The following SLC20A2 variants were observed in gnomAD, a reference collection of about 807,000 sequenced individuals.
SLC20A2 encodes the protein sodium-dependent phosphate transporter 2.
A neutral mutation model predicts 61.0 loss-of-function variants in SLC20A2; 30 were observed. The ratio of observed to expected loss-of-function variants is 0.49; its 90% CI spans 0.37 to 0.67. The LOEUF (loss-of-function observed/expected upper bound fraction) is 0.67. SLC20A2 is among the 30% of genes least tolerant of loss of function. The pLI, the probability that SLC20A2 is intolerant of heterozygous loss-of-function variation, is 0.00. For synonymous variants in SLC20A2, 351 were observed against 353.3 expected (o/e 0.99, Z 0.07); for missense variants, 626 against 866.4 (o/e 0.72, Z 3.48).
At chr8:42,499,296 C>A (rs893395856) in intron 1 of SLC20A2, among the ~76,000 whole-genome samples, 8 of 152,184 alleles carry the variant, frequency 5.3e-5, no homozygotes, top group Non-Finnish European at 1.0e-4. Context: ...CAGCCAGCAT[C>A]ATTTCACCAG....
intron 2 of SLC20A2, chr8:42,470,990 AG>A (rs367597931): frequency 1.5e-5 from 5 of 340,748 alleles, no homozygotes; most frequent in South Asian, 2.4e-5. Flanking sequence ...AAAAAAAAAA[AG>A]AAAAGAAAAA....
At chr8:42,438,025 A>G (rs1427474410) in intron 7 of SLC20A2, among the ~76,000 whole-genome samples, 1 of 149,592 alleles carries the variant, frequency 6.7e-6, no homozygotes, top group African/African-American at 2.5e-5. Context: ...AGTTGGCCAT[A>G]AAGGACATGT....
intron 4 of SLC20A2, among the ~76,000 whole-genome samples, chr8:42,460,949 G>A (rs979658813): frequency 2.6e-5 from 4 of 152,198 alleles, no homozygotes; most frequent in African/African-American, 4.8e-5. Flanking sequence ...GATGACAGCA[G>A]CAGAAGTATG....
chr8:42,424,679 A>G (rs1001896499), intron 10 of SLC20A2, among the ~76,000 whole-genome samples: 4 of 152,216 alleles, frequency 2.6e-5, no homozygotes, highest in Non-Finnish European at 4.4e-5. Context: ...CCCAAGTTAT[A>G]CCTTCAGTTC....
At chr8:42,457,381 C>A (rs954853054) in intron 5 of SLC20A2, among the ~76,000 whole-genome samples, 1 of 152,196 alleles carries the variant, frequency 6.6e-6, no homozygotes, top group Non-Finnish European at 1.5e-5. Context: ...ATCAATCTAA[C>A]TTTGCTTCCT....
intron 1 of SLC20A2, among the ~76,000 whole-genome samples, chr8:42,494,334 T>TA (rs1809752022): frequency 6.6e-6 from 1 of 152,074 alleles, no homozygotes; most frequent in African/African-American, 2.4e-5. Context: ...AAATAAAATA[T>TA]AAAGTCAAAA....
intron 6 of SLC20A2, among the ~76,000 whole-genome samples, chr8:42,442,993 T>C (rs886416361): frequency 1.3e-5 from 2 of 152,084 alleles, no homozygotes; most frequent in African/African-American, 4.8e-5. Context: ...TATGGGGAAT[T>C]GGGAATAGGA....
rs868468244 is a variant in SLC20A2, at chr8:42,452,044, G to A, written c.614-7282C>T. On this transcript the variant is annotated intron_variant, in intron 5 of 10. Transcript: ENST00000520262. The stretch of plus-strand genomic sequence containing the variant: ...ATGAAGAGGAAGAGGAGGAAGAGAG[G>A]GGGAGGAAGAGATGAAGAGGAGGGG... Among the ~76,000 whole-genome samples, 9 of 117,836 alleles carry A rather than the reference G, an allele frequency of 7.6e-5. 1 individual carries two copies. Among genetic ancestry groups the A allele is most frequent in the African/African-American group, 3.4e-4 (7 of 20,490 alleles). The allele number at this position is 117,836 out of a possible 152,430, so 77.3% of individuals were successfully genotyped here.
chr8:42,537,257 G>A (rs1393456733), intron 1 of SLC20A2, among the ~76,000 whole-genome samples: 1 of 150,922 alleles, frequency 6.6e-6, no homozygotes, highest in African/African-American at 2.4e-5. Flanking sequence ...AGTGGTGCGT[G>A]CCTGTAGTCC....
chr8:42,493,489 T>G (rs972055412), intron 1 of SLC20A2, among the ~76,000 whole-genome samples: 1 of 152,244 alleles, frequency 6.6e-6, no homozygotes, highest in South Asian at 2.1e-4. Context: ...ATGGTTCCAC[T>G]GTTCACTGCT....
chr8:42,486,011 A>T (rs991917492), intron 1 of SLC20A2, among the ~76,000 whole-genome samples: 1 of 152,014 alleles, frequency 6.6e-6, no homozygotes, highest in Admixed American at 6.6e-5. Flanking sequence ...GAGCTTTCTT[A>T]TAAACTGGAG....
At chr8:42,531,131 G>T (rs1399545666) in intron 1 of SLC20A2, among the ~76,000 whole-genome samples, 3 of 152,160 alleles carry the variant, frequency 2.0e-5, no homozygotes, top group Non-Finnish European at 2.9e-5. Flanking sequence ...ATTCAACTGT[G>T]AGCCTCCAGA....
chr8:42,464,528 T>C (rs535223551), intron 3 of SLC20A2, among the ~76,000 whole-genome samples: 2 of 152,212 alleles, frequency 1.3e-5, no homozygotes, highest in East Asian at 3.9e-4. Flanking sequence ...TGCTCAATCT[T>C]TCTCTGACCT....
intron 8 of SLC20A2, among the ~76,000 whole-genome samples, chr8:42,435,717 T>A (rs1586017959): frequency 6.6e-6 from 1 of 152,164 alleles, no homozygotes; most frequent in East Asian, 1.9e-4. Context: ...CATTACCATG[T>A]GGAGTGACCT....
intron 1 of SLC20A2, among the ~76,000 whole-genome samples, chr8:42,495,795 G>T (rs1809880930): frequency 1.3e-5 from 2 of 150,942 alleles, no homozygotes; most frequent in Non-Finnish European, 2.9e-5. Context: ...TGTTGCCTAG[G>T]CTGGAGTGCA....
At chr8:42,537,147 G>A (rs1812757801) in intron 1 of SLC20A2, among the ~76,000 whole-genome samples, 1 of 151,836 alleles carries the variant, frequency 6.6e-6, no homozygotes, top group Non-Finnish European at 1.5e-5. Flanking sequence ...TTGGGAGGCT[G>A]AGGCAGGAGG....
chr8:42,514,439 A>G (rs994196185), intron 1 of SLC20A2, among the ~76,000 whole-genome samples: 1 of 152,178 alleles, frequency 6.6e-6, no homozygotes, highest in African/African-American at 2.4e-5. Flanking sequence ...ACGGACTTGC[A>G]TGAATGCCAA....
intron 1 of SLC20A2, among the ~76,000 whole-genome samples, chr8:42,514,050 T>A (rs1811180171): frequency 6.6e-6 from 1 of 152,204 alleles, no homozygotes; most frequent in Non-Finnish European, 1.5e-5. Flanking sequence ...ACAAGCACCA[T>A]GCTAAGGAGT....
chr8:42,454,170 A>AT (rs1805955005), intron 5 of SLC20A2, among the ~76,000 whole-genome samples: 1 of 151,856 alleles, frequency 6.6e-6, no homozygotes, highest in Non-Finnish European at 1.5e-5. Flanking sequence ...CGCTGGGCAA[A>AT]TTTTTTTATT....
Sources: gnomAD v4.1 joint callset for allele counts (sites outside exome capture counted in the v4.1 genomes callset) on GRCh38, gnomAD v4.1.1 for gene constraint, MANE v1.5 for transcripts, NCBI Gene and HGNC (gene_info 2026-07-23, HGNC 2026-07-21) for gene names.